The following REEP3 variants were observed in gnomAD, a reference collection of about 807,000 sequenced individuals.
REEP3 encodes receptor accessory protein 3.
REEP3 carries 20 observed loss-of-function variants against 41.3 expected under a neutral mutation model. That is an observed-to-expected ratio of 0.48 (90% CI 0.34 to 0.70). REEP3 has a LOEUF of 0.70. REEP3 is among the 30% of genes least tolerant of loss of function. REEP3 has a pLI of 0.01. For missense variants in REEP3, 271 were observed against 308.8 expected, an observed-to-expected ratio of 0.88 and a Z score of 0.92; for synonymous variants, 104 against 101.8, an observed-to-expected ratio of 1.02 and a Z score of -0.13.
At chr10:63,568,497 A>ACCTCGTGATCCTCCCG (rs1955822636) in intron 2 of REEP3, among the ~76,000 whole-genome samples, 6 of 151,888 alleles carry the variant, frequency 4.0e-5, no homozygotes, top group Non-Finnish European at 5.9e-5. Context: ...TCGATCTCCC[A>ACCTCGTGATCCTCCCG]ACCTCGTGAT....
chr10:63,601,931 T>A (rs964085446), intron 5 of REEP3, among the ~76,000 whole-genome samples: 8 of 151,468 alleles, frequency 5.3e-5, no homozygotes, highest in African/African-American at 1.9e-4. Flanking sequence ...CAAAAAATAC[T>A]AATAATAAAA....
chr10:63,595,342 A>T (rs1222729479), intron 3 of REEP3, among the ~76,000 whole-genome samples: 2 of 152,232 alleles, frequency 1.3e-5, no homozygotes, highest in Non-Finnish European at 2.9e-5. Flanking sequence ...AGACGAGGCA[A>T]AATTAAAGTG....
intron 1 of REEP3, among the ~76,000 whole-genome samples, chr10:63,553,650 G>A (rs1425465698): frequency 6.6e-6 from 1 of 152,086 alleles, no homozygotes; most frequent in African/African-American, 2.4e-5. Context: ...ATGTGATACT[G>A]AATGAATTGC....
intron 1 of REEP3, among the ~76,000 whole-genome samples, chr10:63,524,464 GTCTC>G (rs1955339548): frequency 6.6e-6 from 1 of 151,716 alleles, no homozygotes; most frequent in African/African-American, 2.4e-5. Flanking sequence ...TTGAGACAGA[GTCTC>G]TCTCTGTCGC....
chr10:63,560,497 A>G (rs562721200), intron 1 of REEP3, among the ~76,000 whole-genome samples: 5 of 152,288 alleles, frequency 3.3e-5, no homozygotes, highest in Admixed American at 1.3e-4. Flanking sequence ...CTGCATTCCC[A>G]TAAGTGGTTT....
At chr10:63,620,317 G>T (rs979285265) in intron 7 of REEP3, among the ~76,000 whole-genome samples, 2 of 152,204 alleles carry the variant, frequency 1.3e-5, no homozygotes, top group Admixed American at 1.3e-4. Flanking sequence ...TTAATCTTCT[G>T]CTATACGTAG....
intron 2 of REEP3, among the ~76,000 whole-genome samples, chr10:63,587,358 G>A (rs1247425008): frequency 2.6e-5 from 4 of 152,102 alleles, no homozygotes; most frequent in African/African-American, 4.8e-5. Flanking sequence ...GCACTGTCAC[G>A]ACCAGTCCGG....
intron 2 of REEP3, among the ~76,000 whole-genome samples, chr10:63,567,029 AC>A (rs1772949599): frequency 6.6e-6 from 1 of 152,076 alleles, no homozygotes; most frequent in African/African-American, 2.4e-5. Flanking sequence ...TTTTATTCAT[AC>A]TGTGTAATAG....
intron 1 of REEP3, among the ~76,000 whole-genome samples, chr10:63,539,245 A>T (rs543891352): frequency 4.6e-5 from 7 of 152,166 alleles, no homozygotes; most frequent in Admixed American, 4.6e-4. Flanking sequence ...TTGTTTAACT[A>T]TAGGTTTATT....
chr10:63,546,333 G>A (rs1234177906), intron 1 of REEP3, among the ~76,000 whole-genome samples: 1 of 152,212 alleles, frequency 6.6e-6, no homozygotes, highest in Non-Finnish European at 1.5e-5. Flanking sequence ...CAGGCTGGTA[G>A]CAGTGGTCAG....
chr10:63,531,923 C>T (rs998236781), intron 1 of REEP3, among the ~76,000 whole-genome samples: 5 of 152,164 alleles, frequency 3.3e-5, no homozygotes, highest in African/African-American at 1.2e-4. Flanking sequence ...ATCAATCTGT[C>T]ACAATCTTTA....
chr10:63,569,243 CATTTCCCT>C (rs1455727409), intron 2 of REEP3, among the ~76,000 whole-genome samples: 1 of 152,110 alleles, frequency 6.6e-6, no homozygotes, highest in Non-Finnish European at 1.5e-5. Flanking sequence ...AAATGGGAAC[CATTTCCCT>C]ATTTGGAATG....
chr10:63,577,617 T>G (rs1955909332), intron 2 of REEP3, among the ~76,000 whole-genome samples: 1 of 152,000 alleles, frequency 6.6e-6, no homozygotes, highest in South Asian at 2.1e-4. Flanking sequence ...CTTTTTTTCT[T>G]TTTTTTCCTT....
chr10:63,597,160 G>A (rs946533439), intron 3 of REEP3, among the ~76,000 whole-genome samples: 1 of 152,150 alleles, frequency 6.6e-6, no homozygotes, highest in Admixed American at 6.5e-5. Context: ...CTGGGCCAAC[G>A]GGGGAGGCCC....
intron 1 of REEP3, among the ~76,000 whole-genome samples, chr10:63,539,147 C>T (rs1440301332): frequency 6.6e-6 from 1 of 152,030 alleles, no homozygotes; most frequent in Non-Finnish European, 1.5e-5. Context: ...GGTTAAATAA[C>T]ACTTTTTTTT....
chr10:63,527,471 A>G (rs1264680387), intron 1 of REEP3, among the ~76,000 whole-genome samples: 1 of 152,114 alleles, frequency 6.6e-6, no homozygotes, highest in African/African-American at 2.4e-5. Flanking sequence ...CAGGAGTTCC[A>G]GACCAATCCA....
At chr10:63,594,319 C>T (rs1027132223) in intron 2 of REEP3, among the ~76,000 whole-genome samples, 1 of 151,946 alleles carries the variant, frequency 6.6e-6, no homozygotes, top group East Asian at 1.9e-4. Flanking sequence ...ACTGGAAGGT[C>T]AAGGCTGCAG....
At position 63,593,035 on chromosome 10, in the gene REEP3, C is replaced by T. The variant is rs1037290847; in HGVS notation, c.106-1743C>T. The stretch of plus-strand genomic sequence containing the variant: ...CTTTTAGAAACAGGTAGGGAGGGGC[C>T]GGGCGCGGTGGCTCACGCCTGTAAT... On this transcript the variant is annotated intron_variant, in intron 2 of 7. Coordinates refer to ENST00000373758, the MANE Select transcript of REEP3 (RefSeq NM_001001330.3). Among the ~76,000 whole-genome samples, 6 of 152,036 alleles carry T rather than the reference C, an allele frequency of 3.9e-5. No homozygotes were observed. The East Asian group carries it at 7.7e-4, about 20-fold the overall frequency.
chr10:63,604,459 C>G (rs1371674013), intron 5 of REEP3, among the ~76,000 whole-genome samples: 4 of 152,044 alleles, frequency 2.6e-5, no homozygotes, highest in African/African-American at 9.7e-5. Context: ...CTCTGGCAGC[C>G]TTTTTTTGGT....
Sources: allele counts gnomAD v4.1 joint callset (sites outside exome capture counted in the v4.1 genomes callset), GRCh38; gene constraint gnomAD v4.1.1; transcripts MANE v1.5; gene names NCBI Gene and HGNC (gene_info 2026-07-23, HGNC 2026-07-21).